The following NXN variants were observed in gnomAD, a reference collection of about 807,000 sequenced individuals.
NXN encodes the protein nucleoredoxin, also known as nucleoredoxin 1.
NXN carries 16 observed loss-of-function variants against 48.6 expected under a neutral mutation model. That is an observed-to-expected ratio of 0.33 (90% CI 0.22 to 0.50). NXN has a LOEUF of 0.50. NXN is among the 20% of genes least tolerant of loss of function. The pLI is 0.98. For missense variants in NXN, 492 were observed against 605.5 expected (o/e 0.81, Z 1.97); for synonymous variants, 281 against 269.6 (o/e 1.04, Z -0.41).
At chr17:867,421 C>T (rs2068105530) in intron 1 of NXN, among the ~76,000 whole-genome samples, 1 of 152,310 alleles carries the variant, frequency 6.6e-6, no homozygotes, top group African/African-American at 2.4e-5. Context: ...GGAATTCTTG[C>T]CAGTCCCTTA....
At chr17:818,604 G>A (rs920024509) in intron 5 of NXN, among the ~76,000 whole-genome samples, 9 of 152,116 alleles carry the variant, frequency 5.9e-5, no homozygotes, top group African/African-American at 2.2e-4. Context: ...ATCCACCATG[G>A]GCCGGGTGCA....
At chr17:836,991 T>TATTATTATTATTATTA in intron 1 of NXN, among the ~76,000 whole-genome samples, 1 of 151,054 alleles carries the variant, frequency 6.6e-6, no homozygotes, top group Admixed American at 6.6e-5. Flanking sequence ...TTATTATTAT[T>TATTATTATTATTATTA]TTCTAGACCC....
chr17:951,435 G>A (rs142755088), intron 1 of NXN, among the ~76,000 whole-genome samples: 2,578 of 151,914 alleles, frequency 0.017, 37 homozygotes, highest in Non-Finnish European at 0.024. Flanking sequence ...ACGATCGCAC[G>A]AGGGACCAGA....
intron 1 of NXN, among the ~76,000 whole-genome samples, chr17:939,428 C>T (rs543737362): frequency 7.6e-4 from 113 of 149,312 alleles, no homozygotes; most frequent in Non-Finnish European, 1.4e-3. Context: ...TCACTGCAAT[C>T]TCTGCCTCGC....
At chr17:939,180 G>C (rs1207645911) in intron 1 of NXN, among the ~76,000 whole-genome samples, 1 of 152,146 alleles carries the variant, frequency 6.6e-6, no homozygotes, top group Non-Finnish European at 1.5e-5. Context: ...GATGTGCACA[G>C]AGAAGAATAT....
intron 1 of NXN, among the ~76,000 whole-genome samples, chr17:884,856 GA>G (rs1384176451): frequency 6.6e-6 from 1 of 152,216 alleles, no homozygotes; most frequent in African/African-American, 2.4e-5. Context: ...GAACAGTTTT[GA>G]AACATCTGTA....
chr17:851,316 C>CG (rs2067921405), intron 1 of NXN, among the ~76,000 whole-genome samples: 1 of 152,264 alleles, frequency 6.6e-6, no homozygotes, highest in African/African-American at 2.4e-5. Flanking sequence ...CAAAAGACAG[C>CG]GCAAGCCTCT....
chr17:857,706 A>G (rs2068000608), intron 1 of NXN, among the ~76,000 whole-genome samples: 1 of 152,156 alleles, frequency 6.6e-6, no homozygotes, highest in African/African-American at 2.4e-5. Flanking sequence ...ACCATCCCAG[A>G]TATCACCAGG....
chr17:887,402 T>C (rs1274974328), intron 1 of NXN, among the ~76,000 whole-genome samples: 2 of 152,086 alleles, frequency 1.3e-5, no homozygotes, highest in Non-Finnish European at 2.9e-5. Flanking sequence ...CATGAGCTCT[T>C]GTCACCAACT....
intron 1 of NXN, among the ~76,000 whole-genome samples, chr17:885,234 C>T (rs943690295): frequency 6.6e-6 from 1 of 152,112 alleles, no homozygotes; most frequent in Non-Finnish European, 1.5e-5. Flanking sequence ...GAGGCCGAGA[C>T]GGGCGGATCA....
At position 917,122 on chromosome 17, in the gene NXN, T is replaced by C. The variant is rs962620220; in HGVS notation, c.360+62197A>G. Reference sequence around the variant, plus strand: ...TCCAACAAGATTCCCTGTTCCTAAGTGAACCAAGGAATGAGGTGTTCCACG... The same window carrying C: ...TCCAACAAGATTCCCTGTTCCTAAGCGAACCAAGGAATGAGGTGTTCCACG... On this transcript the variant is annotated intron_variant, in intron 1 of 7. Coordinates refer to ENST00000336868, the MANE Select transcript of NXN (RefSeq NM_022463.5). This position sits in a 1 kb window ranked among gnomAD's most constrained non-coding sequence, Gnocchi z 4.5. 2.6e-5 allele frequency among the ~76,000 whole-genome samples: 4 copies of C among 151,876 alleles called. No homozygotes were observed. The highest frequency in any genetic ancestry group is 9.7e-5 in the African/African-American group (4 of 41,322).
At chr17:959,308 AG>A (rs769509415) in intron 1 of NXN, 31 of 317,122 alleles carry the variant, frequency 9.8e-5, no homozygotes, top group Non-Finnish European at 1.7e-4. Context: ...ACAGCTCTGT[AG>A]GCCCCTCCCA....
chr17:889,443 T>C (rs2068385423), intron 1 of NXN, among the ~76,000 whole-genome samples: 1 of 152,190 alleles, frequency 6.6e-6, no homozygotes, highest in African/African-American at 2.4e-5. Context: ...ACGCCTTTCA[T>C]CCCAGCACTT....
chr17:897,953 T>A lies in NXN; in HGVS notation c.361-71875A>T, dbSNP rs149576033. Among the ~76,000 whole-genome samples the A allele has an allele frequency of 5.3e-3, 801 of 152,338 alleles. 2 individuals carry two copies. Among genetic ancestry groups the A allele is most frequent in the Non-Finnish European group, 7.7e-3 (521 of 68,016 alleles). ...ACCTCGGCCTCCCGAAGTGCTGGGATGACAGGTGTGAACCCCTGCTGCTGG... is the reference window on the plus strand; with the variant it reads ...ACCTCGGCCTCCCGAAGTGCTGGGAAGACAGGTGTGAACCCCTGCTGCTGG... On this transcript the variant is annotated intron_variant, in intron 1 of 7. Coordinates refer to ENST00000336868, the MANE Select transcript of NXN (RefSeq NM_022463.5).
intron 1 of NXN, among the ~76,000 whole-genome samples, chr17:902,625 G>C (rs1276227805): frequency 1.3e-5 from 2 of 151,968 alleles, no homozygotes; most frequent in African/African-American, 4.8e-5. Context: ...GTTTACGAAG[G>C]AGACGTGAGG....
At chr17:886,131 G>A (rs1380914712) in intron 1 of NXN, among the ~76,000 whole-genome samples, 1 of 152,012 alleles carries the variant, frequency 6.6e-6, no homozygotes, top group East Asian at 1.9e-4. Context: ...TCTGTGTCAG[G>A]AGCCACCCCA....
chr17:826,969 G>A (rs1019218657), intron 1 of NXN, among the ~76,000 whole-genome samples: 2 of 152,244 alleles, frequency 1.3e-5, no homozygotes, highest in Non-Finnish European at 2.9e-5. Context: ...GAAGCCTCCT[G>A]TGTTCGTTCA....
Position 808,967 on chromosome 17 carries a change from G to A in NXN, c.821-3720C>T, listed in dbSNP as rs565262903. ...GCTGGGATTACAGGTGTGAGGCACC[G>A]CACCCAGCCATTATATTCTTTTAAT... On this transcript the variant is annotated intron_variant, in intron 5 of 7. Transcript: ENST00000336868. Among the ~76,000 whole-genome samples the A allele has an allele frequency of 1.8e-4, 27 of 152,208 alleles. No homozygotes were observed. The South Asian group carries it at 3.5e-3, about 20-fold the overall frequency.
intron 1 of NXN, among the ~76,000 whole-genome samples, chr17:943,476 G>A (rs1359887884): frequency 6.6e-6 from 1 of 152,100 alleles, no homozygotes. Context: ...GCCCAGCCTT[G>A]AGATCCCAAA....
Sources: allele counts gnomAD v4.1 joint callset (sites outside exome capture counted in the v4.1 genomes callset), GRCh38; gene constraint gnomAD v4.1.1; non-coding constraint Gnocchi (gnomAD v3.1); transcripts MANE v1.5; gene names NCBI Gene and HGNC (gene_info 2026-07-23, HGNC 2026-07-21).